ARHGEF28: variants seen among roughly 807,000 people sequenced by gnomAD.
ARHGEF28 encodes the protein 190 kDa guanine nucleotide exchange factor.
Under a neutral mutation model 206.6 loss-of-function variants are expected in ARHGEF28, and 152 were observed. The observed-to-expected ratio is 0.74, with a 90% CI of 0.64 to 0.84. The LOEUF (loss-of-function observed/expected upper bound fraction) is 0.84, where lower values mean the gene tolerates loss of function less well. Among genes scored for constraint, ARHGEF28 ranks in the 40% least tolerant of loss-of-function variants. ARHGEF28 has a pLI of 0.00. For synonymous variants in ARHGEF28, 763 were observed against 776.4 expected (o/e 0.98, Z 0.29); for missense variants, 2,028 against 2,073.2 (o/e 0.98, Z 0.42).
rs748183646 is a variant in ARHGEF28 at position 73,658,991 on chromosome 5, A to ACG, written c.-11-25849_-11-25848insGC. Among the ~76,000 whole-genome samples the ACG allele has an allele frequency of 2.6e-3, 385 of 150,758 alleles. 4 individuals are homozygous for ACG. The highest frequency in any genetic ancestry group is 1.9e-3 in the Non-Finnish European group (131 of 67,408). On this transcript the variant is annotated intron_variant, in intron 1 of 35. Coordinates refer to ENST00000513042, the MANE Select transcript of ARHGEF28 (RefSeq NM_001177693.2). The stretch of plus-strand genomic sequence containing the variant: ...CACACACACACACACACACACACAC[A>ACG]CACACACACACACACCACACTCACA...
chr5:73,699,457 A>G (rs1419396598), intron 2 of ARHGEF28, among the ~76,000 whole-genome samples: 1 of 152,178 alleles, frequency 6.6e-6, no homozygotes, highest in Non-Finnish European at 1.5e-5. Context: ...TAAACAATTT[A>G]GGAAGAGTTG....
Position 73,766,160 on chromosome 5 carries a change from AAAAAAAC to A in ARHGEF28, c.476-7676_476-7670del, listed in dbSNP as rs530529155. 5.2e-3 allele frequency among the ~76,000 whole-genome samples: 792 copies of A among 151,788 alleles called. 3 individuals are homozygous for A. The highest frequency in any genetic ancestry group is 6.7e-3 in the Non-Finnish European group (453 of 67,900). On this transcript the variant is annotated intron_variant, in intron 4 of 35. Coordinates refer to ENST00000513042, the MANE Select transcript of ARHGEF28 (RefSeq NM_001177693.2). ...AAGAGCAGGACTCCATCTCAAAAAA[AAAAAAAC>A]AAAAAACAAAAAACAAAACAAAACA...
At chr5:73,703,938 C>T (rs771862430) in intron 2 of ARHGEF28, among the ~76,000 whole-genome samples, 3 of 151,388 alleles carry the variant, frequency 2.0e-5, no homozygotes, top group African/African-American at 7.3e-5. Flanking sequence ...GCAGGAGAAT[C>T]GCTTGAACAC....
At position 73,805,634 on chromosome 5, in the gene ARHGEF28, G is replaced by A. The variant is rs370692884; in HGVS notation, c.1024+10243G>A. ...CACGTTTCTCCCTGTTGGAGTGGGT[G>A]CTTACAGATAAGCAGGGGGAAGAGG... On this transcript the variant is annotated intron_variant, in intron 9 of 35. Coordinates refer to ENST00000513042, the MANE Select transcript of ARHGEF28 (RefSeq NM_001177693.2). 9.2e-5 allele frequency among the ~76,000 whole-genome samples: 14 copies of A among 152,308 alleles called. No homozygotes were observed. In the South Asian group the frequency reaches 1.5e-3, roughly 16 times the overall value.
chr5:73,689,414 C>T (rs952579227), intron 2 of ARHGEF28, among the ~76,000 whole-genome samples: 1 of 152,152 alleles, frequency 6.6e-6, no homozygotes, highest in Non-Finnish European at 1.5e-5. Context: ...ATGATCTTAG[C>T]TCACTGCACC....
At chr5:73,923,530 C>G (rs1763635881) in intron 35 of ARHGEF28, among the ~76,000 whole-genome samples, 1 of 152,036 alleles carries the variant, frequency 6.6e-6, no homozygotes, top group Admixed American at 6.5e-5. Context: ...AATATTTTCT[C>G]TTTGTATTTG....
chr5:73,865,206 A>G (rs1367622523), intron 17 of ARHGEF28, among the ~76,000 whole-genome samples: 1 of 152,222 alleles, frequency 6.6e-6, no homozygotes. Context: ...CAGTCACTGG[A>G]AGACCTGTGA....
chr5:73,683,794 A>G, intron 1 of ARHGEF28, among the ~76,000 whole-genome samples: 1 of 152,170 alleles, frequency 6.6e-6, no homozygotes, highest in East Asian at 1.9e-4. Flanking sequence ...CACCTGGCCA[A>G]AAGTGGACTC....
chr5:73,645,309 GGCTT>G (rs1744360850), intron 1 of ARHGEF28, among the ~76,000 whole-genome samples: 2 of 151,992 alleles, frequency 1.3e-5, no homozygotes, highest in Admixed American at 1.3e-4. Context: ...TACTGTATCT[GGCTT>G]CTCAGGGTCA....
At chr5:73,903,376 C>T (rs932849239) in intron 31 of ARHGEF28, 17 of 152,022 alleles carry the variant, frequency 1.1e-4, no homozygotes, top group African/African-American at 3.6e-4. Context: ...GTTGAGTGTC[C>T]GTGCTATGTC....
intron 1 of ARHGEF28, among the ~76,000 whole-genome samples, chr5:73,656,176 C>A (rs1745186453): frequency 6.6e-6 from 1 of 152,184 alleles, no homozygotes; most frequent in African/African-American, 2.4e-5. Context: ...GGTCTCTAAT[C>A]TTCCTCCTTT....
chr5:73,661,997 A>G (rs1302068214), intron 1 of ARHGEF28, among the ~76,000 whole-genome samples: 1 of 152,124 alleles, frequency 6.6e-6, no homozygotes, highest in Non-Finnish European at 1.5e-5. Flanking sequence ...GAAACACAAT[A>G]TCTGCACAGA....
intron 8 of ARHGEF28, 90 bp downstream of exon 8, chr5:73,794,544 C>A: frequency 9.5e-7 from 1 of 1,052,418 alleles, no homozygotes; most frequent in Non-Finnish European, 1.4e-6. Context: ...TTAAAAAACA[C>A]TAAAAAAAGG....
chr5:73,774,716 C>T (rs1440697416), intron 5 of ARHGEF28, among the ~76,000 whole-genome samples: 1 of 152,048 alleles, frequency 6.6e-6, no homozygotes, highest in Non-Finnish European at 1.5e-5. Context: ...TAGAAAGGTT[C>T]AGGTCAGCCA....
intron 18 of ARHGEF28, among the ~76,000 whole-genome samples, chr5:73,867,586 C>G (rs1024343320): frequency 6.6e-6 from 1 of 152,146 alleles, no homozygotes; most frequent in African/African-American, 2.4e-5. Flanking sequence ...GGAAACCTGG[C>G]GCAGTATTTC....
chr5:73,691,319 A>ACT (rs1747816286), intron 2 of ARHGEF28, among the ~76,000 whole-genome samples: 1 of 151,464 alleles, frequency 6.6e-6, no homozygotes, highest in South Asian at 2.1e-4. Context: ...ACACACACAC[A>ACT]CTCATGATAT....
chr5:73,887,874 G>C (rs372986918), intron 26 of ARHGEF28, among the ~76,000 whole-genome samples, 195 bp downstream of exon 26: 1 of 152,116 alleles, frequency 6.6e-6, no homozygotes, highest in Non-Finnish European at 1.5e-5. Context: ...TAAGTGTTGC[G>C]TCATCACAAC....
intron 35 of ARHGEF28, among the ~76,000 whole-genome samples, chr5:73,938,741 T>C (rs157451): frequency 0.019 from 2,884 of 152,234 alleles, 110 homozygotes; most frequent in East Asian, 0.15. Flanking sequence ...TGTGACTGCG[T>C]GTTGTGACCA....
At chr5:73,844,539 G>T (rs1758181079) in intron 11 of ARHGEF28, among the ~76,000 whole-genome samples, 1 of 151,176 alleles carries the variant, frequency 6.6e-6, no homozygotes, top group African/African-American at 2.4e-5. Context: ...TTAACTTACT[G>T]TGTCCATTAA....
Sources: allele counts gnomAD v4.1 joint callset (sites outside exome capture counted in the v4.1 genomes callset), GRCh38; gene constraint gnomAD v4.1.1; transcripts MANE v1.5; gene names NCBI Gene and HGNC (gene_info 2026-07-23, HGNC 2026-07-21).